COL19A1: variants seen among roughly 807,000 people sequenced by gnomAD.
COL19A1 encodes collagen type XIX alpha 1 chain.
A neutral mutation model predicts 190.2 loss-of-function variants in COL19A1; 159 were observed. The observed-to-expected ratio is 0.84, with a 90% CI of 0.73 to 0.95. The LOEUF (loss-of-function observed/expected upper bound fraction) is 0.95. Ranked by LOEUF, COL19A1 falls within the 40% of genes least tolerant of loss-of-function variation. The probability of loss-of-function intolerance (pLI) is 0.00; values close to 1 mark genes in which losing one functional copy is unlikely to be tolerated. For missense variants in COL19A1, 1,418 were observed against 1,431.9 expected (o/e 0.99, Z 0.16); for synonymous variants, 509 against 458.9 (o/e 1.11, Z -1.39).
chr6:69,972,593 C>T (rs1411449931), intron 11 of COL19A1, among the ~76,000 whole-genome samples: 1 of 151,924 alleles, frequency 6.6e-6, no homozygotes, highest in East Asian at 1.9e-4. Context: ...TTTTCAGACT[C>T]CTACTATTGA....
At chr6:70,057,709 A>G (rs1056481815) in intron 14 of COL19A1, among the ~76,000 whole-genome samples, 1 of 152,122 alleles carries the variant, frequency 6.6e-6, no homozygotes, top group Non-Finnish European at 1.5e-5. Context: ...AGATGTAAGC[A>G]TAGCATCTAT....
chr6:70,104,631 T>A (rs1783842001), intron 16 of COL19A1, among the ~76,000 whole-genome samples: 1 of 152,200 alleles, frequency 6.6e-6, no homozygotes. Context: ...ATCAGTTTTG[T>A]TGATTTTTAT....
intron 48 of COL19A1, among the ~76,000 whole-genome samples, chr6:70,195,593 A>C (rs2150302674): frequency 6.6e-6 from 1 of 152,206 alleles, no homozygotes; most frequent in South Asian, 2.1e-4. Flanking sequence ...GATAATAATA[A>C]ACCCTCAGTC....
At chr6:70,060,404 A>C (rs1299670706) in intron 14 of COL19A1, among the ~76,000 whole-genome samples, 1 of 152,112 alleles carries the variant, frequency 6.6e-6, no homozygotes, top group Non-Finnish European at 1.5e-5. Context: ...CGGGAAAAGG[A>C]CCAGTACCAG....
At chr6:70,019,503 T>C (rs1387957101) in intron 11 of COL19A1, among the ~76,000 whole-genome samples, 3 of 152,160 alleles carry the variant, frequency 2.0e-5, no homozygotes, top group Non-Finnish European at 1.5e-5. Context: ...CTTAAGAATA[T>C]AATATTTCAT....
rs375508868 is a variant in COL19A1 at position 70,142,831 on chromosome 6, T to C, written c.1626+11T>C. 5.5e-5 allele frequency: 89 copies of C among 1,608,964 alleles called. 1 individual carries two copies. The highest frequency in any genetic ancestry group is 3.3e-4 in the Middle Eastern group (2 of 6,044). Reference sequence around the variant, plus strand: ...CCGCCAGGAGATGTTGTATGTATAATGTCTTTGATATTTCTGGAATTGAAA... The same window carrying C: ...CCGCCAGGAGATGTTGTATGTATAACGTCTTTGATATTTCTGGAATTGAAA... On this transcript the variant is annotated intron_variant, in intron 23 of 50. Transcript: ENST00000620364.
chr6:70,050,430 A>G (rs1780142801), intron 14 of COL19A1, among the ~76,000 whole-genome samples: 2 of 152,070 alleles, frequency 1.3e-5, no homozygotes, highest in Admixed American at 1.3e-4. Context: ...TTTTATAACC[A>G]GTGTAAACTT....
intron 13 of COL19A1, among the ~76,000 whole-genome samples, chr6:70,034,892 C>T (rs1779267327): frequency 6.6e-6 from 1 of 152,140 alleles, no homozygotes; most frequent in African/African-American, 2.4e-5. Flanking sequence ...ATTTAGAAAT[C>T]CTTGTCTATC....
intron 16 of COL19A1, among the ~76,000 whole-genome samples, chr6:70,105,539 T>A (rs897214266): frequency 1.2e-4 from 18 of 152,214 alleles, no homozygotes; most frequent in African/African-American, 4.3e-4. Context: ...TTATTACAAT[T>A]TACAAATAGC....
chr6:70,151,836 T>C (rs575019105), intron 31 of COL19A1, among the ~76,000 whole-genome samples: 3 of 152,254 alleles, frequency 2.0e-5, no homozygotes, highest in African/African-American at 7.2e-5. Flanking sequence ...TCGCTATATC[T>C]GGCCTGGTCA....
intron 9 of COL19A1, among the ~76,000 whole-genome samples, chr6:69,952,797 A>T (rs986721707): frequency 6.6e-6 from 1 of 152,008 alleles, no homozygotes; most frequent in African/African-American, 2.4e-5. Context: ...CCCTAAAAAG[A>T]CATTTTATGA....
chr6:69,905,859 G>A (rs1770517140), intron 4 of COL19A1, among the ~76,000 whole-genome samples: 1 of 152,108 alleles, frequency 6.6e-6, no homozygotes, highest in African/African-American at 2.4e-5. Context: ...GTATTTGGGG[G>A]CTTTAGAAGA....
chr6:70,032,210 G>A (rs1779114427), intron 12 of COL19A1, among the ~76,000 whole-genome samples: 1 of 152,148 alleles, frequency 6.6e-6, no homozygotes, highest in African/African-American at 2.4e-5. Flanking sequence ...TGAAGAACTT[G>A]ATCTTCTCAA....
At chr6:70,174,398 T>C (rs1765676767) in intron 41 of COL19A1, among the ~76,000 whole-genome samples, 2 of 151,970 alleles carry the variant, frequency 1.3e-5, no homozygotes, top group Non-Finnish European at 2.9e-5. Flanking sequence ...TGACACCCCA[T>C]CTCCACCAAA....
intron 15 of COL19A1, among the ~76,000 whole-genome samples, chr6:70,083,822 T>C (rs1035074992): frequency 6.6e-6 from 1 of 152,208 alleles, no homozygotes; most frequent in Non-Finnish European, 1.5e-5. Flanking sequence ...CATGTTTCAC[T>C]GTCTGTTCTG....
chr6:70,199,963 G>C (rs760786690), intron 49 of COL19A1: 19 of 422,372 alleles, frequency 4.5e-5, no homozygotes, highest in Non-Finnish European at 8.4e-5. Context: ...AACCAAATGA[G>C]AGTTACCTGG....
intron 16 of COL19A1, among the ~76,000 whole-genome samples, chr6:70,105,959 C>T (rs1783934423): frequency 6.6e-6 from 1 of 151,990 alleles, no homozygotes; most frequent in Non-Finnish European, 1.5e-5. Context: ...AGACTTTATT[C>T]TAGTCAGCAT....
At chr6:70,038,644 G>A (rs932623995) in intron 14 of COL19A1, among the ~76,000 whole-genome samples, 1 of 152,144 alleles carries the variant, frequency 6.6e-6, no homozygotes, top group Non-Finnish European at 1.5e-5. Flanking sequence ...TGTGGCTTGG[G>A]TGCCTTTCAT....
intron 4 of COL19A1, among the ~76,000 whole-genome samples, chr6:69,907,388 C>A (rs567316455): frequency 6.6e-6 from 1 of 152,194 alleles, no homozygotes; most frequent in East Asian, 1.9e-4. Flanking sequence ...CCTCGGCCCC[C>A]CAAAGTGCTG....
Sources: gnomAD v4.1 joint callset for allele counts (sites outside exome capture counted in the v4.1 genomes callset) on GRCh38, gnomAD v4.1.1 for gene constraint, MANE v1.5 for transcripts, NCBI Gene and HGNC (gene_info 2026-07-23, HGNC 2026-07-21) for gene names.